TOX: variants seen among roughly 807,000 people sequenced by gnomAD.
The protein encoded by TOX is thymocyte selection associated high mobility group box.
A neutral mutation model predicts 53.7 loss-of-function variants in TOX; 11 were observed. The observed-to-expected ratio is 0.20, with a 90% CI of 0.13 to 0.34. The LOEUF (loss-of-function observed/expected upper bound fraction) is 0.34, where lower values mean the gene tolerates loss of function less well. Ranked by LOEUF, TOX falls within the 10% of genes least tolerant of loss-of-function variation. The pLI, the probability that TOX is intolerant of heterozygous loss-of-function variation, is 1.00. For synonymous variants in TOX, 225 were observed against 245.3 expected (o/e 0.92, Z 0.77); for missense variants, 570 against 664.6 (o/e 0.86, Z 1.56).
At chr8:58,908,205 G>A (rs1244349610) in intron 3 of TOX, among the ~76,000 whole-genome samples, 3 of 152,060 alleles carry the variant, frequency 2.0e-5, no homozygotes, top group African/African-American at 7.2e-5. Flanking sequence ...AGACAATTTT[G>A]TGATCTAAAA....
chr8:59,007,660 T>TG (rs201060367), intron 1 of TOX, among the ~76,000 whole-genome samples: 3,567 of 152,128 alleles, frequency 0.023, 122 homozygotes, highest in African/African-American at 0.081. Flanking sequence ...GGAGTAATGT[T>TG]GGGGGGGAAA....
At chr8:58,904,756 C>T (rs1268254953) in intron 3 of TOX, among the ~76,000 whole-genome samples, 1 of 152,196 alleles carries the variant, frequency 6.6e-6, no homozygotes, top group Middle Eastern at 3.2e-3. Flanking sequence ...CTCACTATGA[C>T]TTCCACATGA....
At chr8:59,051,201 A>G (rs949581347) in intron 1 of TOX, among the ~76,000 whole-genome samples, 2 of 152,130 alleles carry the variant, frequency 1.3e-5, no homozygotes, top group Non-Finnish European at 2.9e-5. Flanking sequence ...GAAGAAAATG[A>G]GGCAGATTTG....
At chr8:58,855,977 A>G (rs2129168648) in intron 3 of TOX, among the ~76,000 whole-genome samples, 1 of 152,338 alleles carries the variant, frequency 6.6e-6, no homozygotes, top group African/African-American at 2.4e-5. Context: ...ACTTTTACTT[A>G]TTGATCCTTG....
chr8:59,046,265 G>A (rs538360170), intron 1 of TOX, among the ~76,000 whole-genome samples: 13 of 152,210 alleles, frequency 8.5e-5, no homozygotes, highest in African/African-American at 3.1e-4. Context: ...CAATAAAAAA[G>A]TTTAAAACAC....
At chr8:58,926,783 C>T (rs1812168315) in intron 3 of TOX, among the ~76,000 whole-genome samples, 2 of 152,224 alleles carry the variant, frequency 1.3e-5, no homozygotes, top group South Asian at 4.1e-4. Flanking sequence ...AACTCCTGGT[C>T]TTCAGTTAGA....
At chr8:58,998,517 AT>A (rs1585952536) in intron 1 of TOX, among the ~76,000 whole-genome samples, 4 of 121,422 alleles carry the variant, frequency 3.3e-5, no homozygotes, top group Admixed American at 2.5e-4. Flanking sequence ...ATATATATAT[AT>A]ATATATATAT....
intron 1 of TOX, among the ~76,000 whole-genome samples, chr8:59,068,996 C>T (rs937816341): frequency 5.3e-5 from 8 of 152,070 alleles, no homozygotes; most frequent in African/African-American, 1.9e-4. Context: ...TGTGAATTCA[C>T]GATGGATTGA....
At chr8:58,893,069 T>A (rs1034533514) in intron 3 of TOX, among the ~76,000 whole-genome samples, 3 of 152,228 alleles carry the variant, frequency 2.0e-5, no homozygotes, top group Non-Finnish European at 2.9e-5. Flanking sequence ...ATTACTCTAC[T>A]ATATTGGTTT....
chr8:59,056,397 A>G (rs1412326139), intron 1 of TOX, among the ~76,000 whole-genome samples: 2 of 131,948 alleles, frequency 1.5e-5, no homozygotes, highest in African/African-American at 2.9e-5. Context: ...GTGCCACTGC[A>G]CTCCAGCCTG....
intron 3 of TOX, among the ~76,000 whole-genome samples, chr8:58,904,205 A>G (rs1004572483): frequency 6.6e-6 from 1 of 152,166 alleles, no homozygotes. Context: ...AAAAATTTAC[A>G]AAATGCCTCT....
intron 3 of TOX, among the ~76,000 whole-genome samples, chr8:58,912,022 TC>T (rs1221398622): frequency 1.3e-5 from 2 of 152,082 alleles, no homozygotes; most frequent in African/African-American, 2.4e-5. Flanking sequence ...TCAATGCAGC[TC>T]CCCCGGCTCC....
At chr8:58,957,970 T>C (rs1812738881) in intron 2 of TOX, among the ~76,000 whole-genome samples, 1 of 152,230 alleles carries the variant, frequency 6.6e-6, no homozygotes, top group African/African-American at 2.4e-5. Flanking sequence ...GCTAAGGCCA[T>C]TCAACTTATG....
At chr8:58,955,150 T>C (rs551442540) in intron 2 of TOX, among the ~76,000 whole-genome samples, 97 of 152,330 alleles carry the variant, frequency 6.4e-4, no homozygotes, top group African/African-American at 2.3e-3. Flanking sequence ...ATTTTATCAT[T>C]CTTATTTTTA....
At position 58,815,337 on chromosome 8, in the gene TOX, C is replaced by T. The variant is rs374010921; in HGVS notation, c.1392+1G>A. 1.3e-6 allele frequency: 2 copies of T among 1,590,454 alleles called. No individual in the cohort carries two copies. The highest frequency in any genetic ancestry group is 1.7e-6 in the Non-Finnish European group (2 of 1,167,560). Reference sequence around the variant, plus strand: ...TCTAAGTCCAGAGCCATTGCACTTACTTGCTGCATGGTGGGTGAGTGTAAG... The same window carrying T: ...TCTAAGTCCAGAGCCATTGCACTTATTTGCTGCATGGTGGGTGAGTGTAAG... On this transcript the variant is annotated splice_donor_variant, in intron 7 of 8. Coordinates refer to ENST00000361421, the MANE Select transcript of TOX (RefSeq NM_014729.3). LOFTEE classifies it high-confidence loss of function.
At chr8:59,067,916 T>G (rs1418079877) in intron 1 of TOX, among the ~76,000 whole-genome samples, 4 of 152,210 alleles carry the variant, frequency 2.6e-5, no homozygotes, top group Admixed American at 6.5e-5. Context: ...ATTTCTGATG[T>G]GAAAAGGTAT....
At chr8:59,065,545 TA>T (rs1347404166) in intron 1 of TOX, among the ~76,000 whole-genome samples, 1 of 152,214 alleles carries the variant, frequency 6.6e-6, no homozygotes, top group African/African-American at 2.4e-5. Context: ...AGATTAAAGA[TA>T]ATCTAATCTG....
chr8:59,050,157 C>T (rs1015569759), intron 1 of TOX, among the ~76,000 whole-genome samples: 1 of 152,144 alleles, frequency 6.6e-6, no homozygotes, highest in Non-Finnish European at 1.5e-5. Flanking sequence ...GAATTTCACG[C>T]ATTGTGACAA....
At chr8:58,953,096 AT>A (rs1812651343) in intron 2 of TOX, among the ~76,000 whole-genome samples, 3 of 152,084 alleles carry the variant, frequency 2.0e-5, no homozygotes, top group Admixed American at 2.0e-4. Context: ...ATTTTAGCTA[AT>A]GGAGTCAATA....
Sources: allele counts gnomAD v4.1 joint callset (sites outside exome capture counted in the v4.1 genomes callset), GRCh38; gene constraint gnomAD v4.1.1; transcripts MANE v1.5; gene names NCBI Gene and HGNC (gene_info 2026-07-23, HGNC 2026-07-21).